C14orf39: variants seen among roughly 807,000 people sequenced by gnomAD.
C14orf39 encodes chromosome 14 open reading frame 39, also known as protein SIX6OS1.
C14orf39 carries 66 observed loss-of-function variants against 85.6 expected under a neutral mutation model. That is an observed-to-expected ratio of 0.77 (90% CI 0.63 to 0.95). The LOEUF (loss-of-function observed/expected upper bound fraction) is 0.95, where lower values mean the gene tolerates loss of function less well. Ranked by LOEUF, C14orf39 falls within the 40% of genes least tolerant of loss-of-function variation. C14orf39 has a pLI of 0.00. For missense variants in C14orf39, 735 were observed against 663.9 expected (o/e 1.11, Z -1.18); for synonymous variants, 242 against 214.0 (o/e 1.13, Z -1.14).
At chr14:60,446,412 TA>T (rs1002621750) in intron 16 of C14orf39, among the ~76,000 whole-genome samples, 1 of 152,168 alleles carries the variant, frequency 6.6e-6, no homozygotes, top group Admixed American at 6.5e-5. Context: ...CAGAGAATAC[TA>T]AAAACACCTC....
In C14orf39 at chr14:60,501,057, G is replaced by A. The variant is rs556808757; in HGVS notation, c.-143-1627C>T. On this transcript the variant is annotated intron_variant, in intron 1 of 5. Coordinates refer to the C14orf39 transcript ENST00000556799. ...TGAGTGTGTGTAATAAGAATAGACT[G>A]TCTAGGGCCAGGTGAAGGAGGGTCA... Among the ~76,000 whole-genome samples, 3 of 152,066 alleles carry A rather than the reference G, an allele frequency of 2.0e-5. No homozygotes were observed. The South Asian group carries it at 6.2e-4, about 32-fold the overall frequency.
chr14:60,445,931 T>A (rs1890743406), intron 16 of C14orf39, among the ~76,000 whole-genome samples: 1 of 152,028 alleles, frequency 6.6e-6, no homozygotes, highest in Non-Finnish European at 1.5e-5. Context: ...CACAACTACA[T>A]GGAAACTGAA....
At chr14:60,487,546 T>C (rs953478988), upstream of C14orf39, among the ~76,000 whole-genome samples, 3 of 151,740 alleles carry the variant, frequency 2.0e-5, no homozygotes, top group Non-Finnish European at 4.4e-5. Flanking sequence ...AATGGATAGG[T>C]TGAGTATATA....
At chr14:60,459,162 G>T (rs1222701584) in intron 13 of C14orf39, among the ~76,000 whole-genome samples, 2 of 151,370 alleles carry the variant, frequency 1.3e-5, no homozygotes, top group African/African-American at 4.8e-5. Flanking sequence ...CTTATGTTTT[G>T]GTTTTTGTTT....
rs1320900185 is a variant in C14orf39 at position 60,509,905 on chromosome 14, T to C, written c.-144+5490A>G. On this transcript the variant is annotated intron_variant, in intron 1 of 5. Transcript: ENST00000556799. ...TCGCCCAGGCAACCGGACTGACCCC[T>C]ACGCAGGTGGGCAACTGGTTCAAAA... 1.2e-6 allele frequency: 2 copies of C among 1,612,372 alleles called. No homozygotes were observed. Among genetic ancestry groups the C allele is most frequent in the East Asian group, 2.2e-5 (1 of 44,836 alleles).
chr14:60,511,495 C>A (rs1893294226), intron 1 of C14orf39: 2 of 598,496 alleles, frequency 3.3e-6, no homozygotes, highest in Admixed American at 3.0e-5. Context: ...GTTCTTCTTG[C>A]TTTGCTTTTT....
chr14:60,462,787 TTTTA>T (rs1202144333), intron 11 of C14orf39, among the ~76,000 whole-genome samples: 2 of 152,002 alleles, frequency 1.3e-5, no homozygotes, highest in African/African-American at 2.4e-5. Flanking sequence ...CAAGGTCTTA[TTTTA>T]TTTATTTATT....
intron 1 of C14orf39, chr14:60,509,834 T>C: frequency 6.2e-7 from 1 of 1,613,746 alleles, no homozygotes; most frequent in African/African-American, 1.3e-5. Context: ...GCTACGCGAG[T>C]GGTACCTGCA....
chr14:60,467,089 T>C (rs1306998839), intron 9 of C14orf39, 45 bp from the exon 10 acceptor site: 4 of 988,476 alleles, frequency 4.0e-6, no homozygotes, highest in Non-Finnish European at 5.4e-6. Flanking sequence ...TAAGTTAAAA[T>C]TAACATATTT....
intron 1 of C14orf39, chr14:60,511,432 C>A (rs1893293408): frequency 2.8e-6 from 2 of 717,426 alleles, no homozygotes; most frequent in East Asian, 2.7e-5. Context: ...GCTTCACTGG[C>A]GCCCTTTGGC....
At chr14:60,485,002 G>A (rs1430699355) in intron 2 of C14orf39, 28 bp downstream of exon 2, 1 of 1,589,410 alleles carries the variant, frequency 6.3e-7, no homozygotes, top group South Asian at 1.2e-5. Flanking sequence ...CATACAAAAA[G>A]CTACCTATTT....
At chr14:60,464,907 AT>A (rs1170809008) in intron 11 of C14orf39, among the ~76,000 whole-genome samples, 1 of 151,814 alleles carries the variant, frequency 6.6e-6, no homozygotes, top group Admixed American at 6.6e-5. Flanking sequence ...TAACTGTTTT[AT>A]TTTTACCCCC....
Position 60,484,056 on chromosome 14 carries a change from T to G in C14orf39, c.107-239A>C, listed in dbSNP as rs1480368714. Among the ~76,000 whole-genome samples, 1 of 152,114 alleles carries G rather than the reference T, an allele frequency of 6.6e-6. No individual in the cohort carries two copies. The highest frequency in any genetic ancestry group is 2.4e-5 in the African/African-American group (1 of 41,422). On this transcript the variant is annotated intron_variant, in intron 3 of 17. Coordinates refer to ENST00000321731, the MANE Select transcript of C14orf39 (RefSeq NM_174978.3). This position sits in a 1 kb window ranked among gnomAD's most constrained non-coding sequence, Gnocchi z 4.2. The stretch of plus-strand genomic sequence containing the variant: ...TTTGGGAATGATGAAAAAATAAATG[T>G]CCCTTGTACCTCATCTTTAACATAA...
chr14:60,507,222 G>A (rs1471490837), intron 1 of C14orf39, among the ~76,000 whole-genome samples: 1 of 152,046 alleles, frequency 6.6e-6, no homozygotes, highest in African/African-American at 2.4e-5. Context: ...CTGGAGCAAG[G>A]GGGTGCTTTC....
intron 1 of C14orf39, among the ~76,000 whole-genome samples, chr14:60,510,472 C>T (rs1893273738): frequency 6.6e-6 from 1 of 152,220 alleles, no homozygotes; most frequent in African/African-American, 2.4e-5. Flanking sequence ...TTCCTCTTCC[C>T]ATGCGCTGCC....
intron 1 of C14orf39, among the ~76,000 whole-genome samples, chr14:60,485,352 C>A (rs1892833274): frequency 6.6e-6 from 1 of 152,190 alleles, no homozygotes; most frequent in South Asian, 2.1e-4. Context: ...CGCATAACCG[C>A]TTATGCGTGG....
chr14:60,500,360 T>C (rs146187980), intron 1 of C14orf39, among the ~76,000 whole-genome samples: 1 of 152,326 alleles, frequency 6.6e-6, no homozygotes, highest in Non-Finnish European at 1.5e-5. Flanking sequence ...TGGGTAGAAG[T>C]AAAAATTGGT....
chr14:60,509,384 G>C, intron 1 of C14orf39: 1 of 1,598,618 alleles, frequency 6.3e-7, no homozygotes, highest in Non-Finnish European at 8.5e-7. Context: ...CCTCGCCGCC[G>C]CCGGCACTGC....
chr14:60,440,053 C>A (rs1003097562), intron 17 of C14orf39, among the ~76,000 whole-genome samples: 1 of 151,846 alleles, frequency 6.6e-6, no homozygotes, highest in East Asian at 1.9e-4. Context: ...CCAGCCTGGG[C>A]AACAAGAGCG....
Sources: gnomAD v4.1 joint callset for allele counts (sites outside exome capture counted in the v4.1 genomes callset) on GRCh38, gnomAD v4.1.1 for gene constraint, Gnocchi (gnomAD v3.1) non-coding constraint, MANE v1.5 for transcripts, NCBI Gene and HGNC (gene_info 2026-07-23, HGNC 2026-07-21) for gene names.